HIKESHI: variants seen among roughly 807,000 people sequenced by gnomAD.
HIKESHI encodes the protein heat shock protein nuclear import factor hikeshi.
Under a neutral mutation model 25.7 loss-of-function variants are expected in HIKESHI, and 13 were observed. That is an observed-to-expected ratio of 0.51 (90% confidence interval 0.33 to 0.80). The LOEUF (loss-of-function observed/expected upper bound fraction) is 0.80, where lower values mean the gene tolerates loss of function less well. Among genes scored for constraint, HIKESHI ranks in the 30% least tolerant of loss-of-function variants. The pLI, the probability that HIKESHI is intolerant of heterozygous loss-of-function variation, is 0.02. For missense variants in HIKESHI, 174 were observed against 229.5 expected (o/e 0.76, Z 1.56); for synonymous variants, 76 against 78.7 (o/e 0.97, Z 0.18).
At chr11:86,321,979 A>T (rs994288416) in intron 2 of HIKESHI, among the ~76,000 whole-genome samples, 1 of 151,572 alleles carries the variant, frequency 6.6e-6, no homozygotes, top group Non-Finnish European at 1.5e-5. Flanking sequence ...GACCAGTGAT[A>T]TTGAGCAGTT....
chr11:86,321,482 T>G (rs1178375998), intron 2 of HIKESHI, among the ~76,000 whole-genome samples: 1 of 152,174 alleles, frequency 6.6e-6, no homozygotes, highest in Admixed American at 6.5e-5. Flanking sequence ...ATTAAATGTT[T>G]TACCTTTTAA....
At chr11:86,304,836 A>C (rs1946580821) in intron 1 of HIKESHI, among the ~76,000 whole-genome samples, 1 of 151,106 alleles carries the variant, frequency 6.6e-6, no homozygotes, top group East Asian at 2.0e-4. Flanking sequence ...ATTTTTTACT[A>C]CTGTTCATAT....
At chr11:86,322,702 CTT>C (rs1359789711) in intron 2 of HIKESHI, among the ~76,000 whole-genome samples, 2 of 152,150 alleles carry the variant, frequency 1.3e-5, no homozygotes, top group Non-Finnish European at 2.9e-5. Flanking sequence ...GTTGCAAAGA[CTT>C]TCTCCTAGAG....
At position 86,316,434 on chromosome 11, in the gene HIKESHI, C is replaced by A. The variant is rs547837395; in HGVS notation, c.268+9952C>A. Among the ~76,000 whole-genome samples the A allele has an allele frequency of 2.6e-5, 4 of 152,218 alleles. No individual in the cohort carries two copies. The South Asian group carries it at 8.3e-4, about 32-fold the overall frequency. ...GTCTGAGGCAGGAGAACCGCTTGAA[C>A]TCGGGAGGTGGAGGTTGCAGTGAGC... On this transcript the variant is annotated intron_variant, in intron 2 of 4. Coordinates refer to ENST00000278483, the MANE Select transcript of HIKESHI (RefSeq NM_016401.4).
chr11:86,318,104 A>G (rs1222891615), intron 2 of HIKESHI, among the ~76,000 whole-genome samples: 2 of 151,862 alleles, frequency 1.3e-5, no homozygotes, highest in African/African-American at 4.8e-5. Flanking sequence ...GGAGATCAAG[A>G]CCATCCTGGC....
At chr11:86,314,584 G>T (rs1407006747) in intron 2 of HIKESHI, among the ~76,000 whole-genome samples, 1 of 152,002 alleles carries the variant, frequency 6.6e-6, no homozygotes, top group African/African-American at 2.4e-5. Context: ...TCATGCTATT[G>T]CACTCCAGCC....
chr11:86,328,909 TG>T (rs1321191706), intron 2 of HIKESHI, among the ~76,000 whole-genome samples: 3 of 38,352 alleles, frequency 7.8e-5, no homozygotes, highest in Admixed American at 3.0e-4. Context: ...TTGTGTTTTG[TG>T]TGTGTGTGTG....
intron 2 of HIKESHI, among the ~76,000 whole-genome samples, chr11:86,313,659 T>G (rs1946894427): frequency 6.6e-6 from 1 of 152,254 alleles, no homozygotes; most frequent in African/African-American, 2.4e-5. Context: ...AGGTAGTGAT[T>G]AAGTTCTTGC....
chr11:86,337,499 C>G lies in HIKESHI; in HGVS notation c.389C>G (p.Ala130Gly). ...GCTCAGCAGACTCCTGTAGGTAATG[C>G]TGCTGTATCCTCAGTTGACTCATTC... ...SMAQQTPVGN[A>G]AVSSVDSFTQ... The change falls in exon 3 of 5, where the codon GCT becomes GGT. Residue 130 changes from alanine (A) to glycine (G), a missense_variant. Physicochemically the swap from Ala to Gly is moderately conservative, Grantham distance 60 (BLOSUM62 0). Coordinates refer to ENST00000278483, the MANE Select transcript of HIKESHI (RefSeq NM_016401.4). The G allele has an allele frequency of 6.2e-7, 1 of 1,613,294 alleles. No homozygotes were observed. The highest frequency in any genetic ancestry group is 8.5e-7 in the Non-Finnish European group (1 of 1,179,816).
chr11:86,343,692 C>G (rs1267971858), intron 3 of HIKESHI: 2 of 152,066 alleles, frequency 1.3e-5, no homozygotes, highest in Admixed American at 1.3e-4. Flanking sequence ...TAATCAGGTG[C>G]CTTCGCAGCA....
rs188545502 is a variant in HIKESHI at position 86,321,761 on chromosome 11, C to T, written c.268+15279C>T. ...GCCAAGCTGGTCTCGAACTCCTGAC[C>T]TCAGGTGATCTGCCTGCCTCAGCCT... On this transcript the variant is annotated intron_variant, in intron 2 of 4. Coordinates refer to ENST00000278483, the MANE Select transcript of HIKESHI (RefSeq NM_016401.4). 3.4e-4 allele frequency among the ~76,000 whole-genome samples: 52 copies of T among 152,266 alleles called. No individual in the cohort carries two copies. The East Asian group carries it at 6.8e-3, about 20-fold the overall frequency.
intron 2 of HIKESHI, among the ~76,000 whole-genome samples, chr11:86,325,436 G>A (rs914646536): frequency 9.9e-5 from 15 of 152,230 alleles, no homozygotes; most frequent in South Asian, 2.1e-4. Flanking sequence ...ATTTTACCCC[G>A]TTGCTGGAAC....
intron 2 of HIKESHI, among the ~76,000 whole-genome samples, chr11:86,319,485 G>A (rs921672491): frequency 1.3e-5 from 2 of 151,592 alleles, no homozygotes; most frequent in African/African-American, 4.8e-5. Flanking sequence ...TCGAACTCCT[G>A]GGCTCAAGCA....
At chr11:86,319,260 A>C (rs1282786600) in intron 2 of HIKESHI, among the ~76,000 whole-genome samples, 1 of 69,338 alleles carries the variant, frequency 1.4e-5, no homozygotes. Context: ...TTTTTTTGAG[A>C]CCAGTCTCAC....
intron 2 of HIKESHI, chr11:86,326,434 G>A (rs910125201): frequency 3.3e-5 from 15 of 452,524 alleles, no homozygotes; most frequent in Non-Finnish European, 6.6e-5. Context: ...AGTTACTTTC[G>A]GCCTTTCTGT....
At chr11:86,335,837 G>A (rs973661338) in intron 2 of HIKESHI, among the ~76,000 whole-genome samples, 4 of 152,106 alleles carry the variant, frequency 2.6e-5, no homozygotes, top group South Asian at 2.1e-4. Flanking sequence ...TTATAGCGTC[G>A]TCACATTGTA....
At chr11:86,305,890 G>A (rs866293029) in intron 1 of HIKESHI, among the ~76,000 whole-genome samples, 2 of 151,952 alleles carry the variant, frequency 1.3e-5, no homozygotes, top group Non-Finnish European at 2.9e-5. Flanking sequence ...ACTTATGCAT[G>A]AGCCACCATA....
At chr11:86,328,040 G>A (rs1192398931) in intron 2 of HIKESHI, among the ~76,000 whole-genome samples, 2 of 152,098 alleles carry the variant, frequency 1.3e-5, no homozygotes, top group Non-Finnish European at 2.9e-5. Context: ...GCATATCCCT[G>A]CCAGGTATAA....
intron 3 of HIKESHI, chr11:86,343,458 G>C (rs1947788196): frequency 6.6e-6 from 1 of 151,974 alleles, no homozygotes; most frequent in Non-Finnish European, 1.5e-5. Context: ...AACATAGTGA[G>C]ACCCTGTCTT....
Sources: allele counts gnomAD v4.1 joint callset (sites outside exome capture counted in the v4.1 genomes callset), GRCh38; gene constraint gnomAD v4.1.1; transcripts MANE v1.5; gene names NCBI Gene and HGNC (gene_info 2026-07-23, HGNC 2026-07-21).